The following ZCCHC7 variants were observed in gnomAD, a reference collection of about 807,000 sequenced individuals.
ZCCHC7 encodes zinc finger CCHC-type containing 7.
A neutral mutation model predicts 52.0 loss-of-function variants in ZCCHC7; 35 were observed. That is an observed-to-expected ratio of 0.67 (90% CI 0.51 to 0.89). The LOEUF (loss-of-function observed/expected upper bound fraction) is 0.89. Among genes scored for constraint, ZCCHC7 ranks in the 40% least tolerant of loss-of-function variants. ZCCHC7 has a pLI of 0.00. For synonymous variants in ZCCHC7, 217 were observed against 221.5 expected (o/e 0.98, Z 0.18); for missense variants, 574 against 649.1 (o/e 0.88, Z 1.26).
At chr9:37,222,827 T>C (rs892915740) in intron 2 of ZCCHC7, among the ~76,000 whole-genome samples, 1 of 152,034 alleles carries the variant, frequency 6.6e-6, no homozygotes, top group African/African-American at 2.4e-5. Context: ...CATAAAATAG[T>C]CTAAGAAACC....
chr9:37,179,921 CCATA>C (rs1466528841), intron 2 of ZCCHC7, among the ~76,000 whole-genome samples: 1 of 152,074 alleles, frequency 6.6e-6, no homozygotes, highest in African/African-American at 2.4e-5. Context: ...AGTTTAGAGT[CCATA>C]AGTATAAATT....
At chr9:37,146,122 T>C (rs1008835571) in intron 2 of ZCCHC7, among the ~76,000 whole-genome samples, 2 of 151,952 alleles carry the variant, frequency 1.3e-5, no homozygotes, top group African/African-American at 4.8e-5. Context: ...CTCAGAGTTT[T>C]TGGTGTACCT....
At chr9:37,259,763 A>G (rs946051327) in intron 2 of ZCCHC7, among the ~76,000 whole-genome samples, 10 of 152,150 alleles carry the variant, frequency 6.6e-5, no homozygotes, top group African/African-American at 2.4e-4. Flanking sequence ...AAGTTGTACA[A>G]CTTCCAAGAA....
At chr9:37,334,953 C>T (rs1014353536) in intron 6 of ZCCHC7, among the ~76,000 whole-genome samples, 7 of 152,066 alleles carry the variant, frequency 4.6e-5, no homozygotes, top group Middle Eastern at 3.4e-3. Flanking sequence ...AAAAGGAATG[C>T]ACATGTGTGT....
intron 2 of ZCCHC7, among the ~76,000 whole-genome samples, chr9:37,199,432 A>G (rs1207372859): frequency 7.0e-6 from 1 of 143,154 alleles, no homozygotes; most frequent in South Asian, 2.3e-4. Flanking sequence ...CCTGGGTTCA[A>G]GCGATTCTCC....
intron 2 of ZCCHC7, among the ~76,000 whole-genome samples, chr9:37,178,609 G>A (rs921823805): frequency 3.9e-5 from 6 of 152,158 alleles, no homozygotes; most frequent in East Asian, 3.8e-4. Context: ...AAGATTTAAC[G>A]CGGTGTTGGT....
At chr9:37,186,500 T>C (rs1822662574) in intron 2 of ZCCHC7, among the ~76,000 whole-genome samples, 1 of 152,196 alleles carries the variant, frequency 6.6e-6, no homozygotes, top group Admixed American at 6.5e-5. Context: ...TTGAATGTAA[T>C]TTAGAGATTA....
chr9:37,279,487 T>C (rs1458439375), intron 2 of ZCCHC7, among the ~76,000 whole-genome samples: 1 of 151,644 alleles, frequency 6.6e-6, no homozygotes, highest in African/African-American at 2.4e-5. Flanking sequence ...CTTAAAAATA[T>C]TAAATTACTC....
chr9:37,198,063 T>C (rs1260812400), intron 2 of ZCCHC7, among the ~76,000 whole-genome samples: 1 of 152,228 alleles, frequency 6.6e-6, no homozygotes, highest in African/African-American at 2.4e-5. Context: ...AGCCTAAGCC[T>C]GTCTTTCAAA....
intron 5 of ZCCHC7, among the ~76,000 whole-genome samples, chr9:37,313,103 A>G (rs1829666292): frequency 6.6e-6 from 1 of 152,228 alleles, no homozygotes; most frequent in Non-Finnish European, 1.5e-5. Context: ...CATTACACCT[A>G]CCTTTGGAAA....
chr9:37,351,128 T>C (rs1821350920), intron 7 of ZCCHC7, among the ~76,000 whole-genome samples: 1 of 152,082 alleles, frequency 6.6e-6, no homozygotes, highest in South Asian at 2.1e-4. Context: ...AAAGTTTATC[T>C]TCCATATTGG....
intron 2 of ZCCHC7, among the ~76,000 whole-genome samples, chr9:37,295,490 G>A (rs548516448): frequency 7.2e-5 from 11 of 152,308 alleles, no homozygotes; most frequent in African/African-American, 2.6e-4. Flanking sequence ...AAAGCAGTGT[G>A]TGATAATAGA....
chr9:37,152,263 A>G (rs1820573253), intron 2 of ZCCHC7, among the ~76,000 whole-genome samples: 1 of 151,960 alleles, frequency 6.6e-6, no homozygotes, highest in Non-Finnish European at 1.5e-5. Context: ...AATTTTAGAA[A>G]AATTGGTTTA....
chr9:37,268,669 G>A (rs574342078), intron 2 of ZCCHC7, among the ~76,000 whole-genome samples: 10 of 152,010 alleles, frequency 6.6e-5, no homozygotes, highest in African/African-American at 1.9e-4. Flanking sequence ...CTTGTGATCC[G>A]CCCACCTCGG....
chr9:37,196,440 G>A (rs1823289601), intron 2 of ZCCHC7, among the ~76,000 whole-genome samples: 1 of 152,068 alleles, frequency 6.6e-6, no homozygotes, highest in Non-Finnish European at 1.5e-5. Flanking sequence ...GATTTTTATG[G>A]CAGGTAAAGA....
intron 1 of ZCCHC7, among the ~76,000 whole-genome samples, chr9:37,124,707 A>G (rs992495440): frequency 6.6e-6 from 1 of 152,238 alleles, no homozygotes; most frequent in African/African-American, 2.4e-5. Flanking sequence ...ATGAAGGCTG[A>G]GGAGGATTTA....
chr9:37,290,173 G>A (rs993180478), intron 2 of ZCCHC7, among the ~76,000 whole-genome samples: 1 of 152,168 alleles, frequency 6.6e-6, no homozygotes, highest in African/African-American at 2.4e-5. Flanking sequence ...TCATTGATAT[G>A]TATATCCCAA....
chr9:37,187,363 C>T (rs1017889865), intron 2 of ZCCHC7, among the ~76,000 whole-genome samples: 1 of 152,208 alleles, frequency 6.6e-6, no homozygotes, highest in Non-Finnish European at 1.5e-5. Flanking sequence ...CTAGATCCCT[C>T]GCATGTGCAG....
intron 5 of ZCCHC7, among the ~76,000 whole-genome samples, chr9:37,321,134 G>A (rs1382237782): frequency 2.6e-5 from 4 of 151,414 alleles, no homozygotes; most frequent in East Asian, 3.9e-4. Context: ...GACTACAGGC[G>A]CGTGCCACCA....
Sources: allele counts gnomAD v4.1 joint callset (sites outside exome capture counted in the v4.1 genomes callset), GRCh38; gene constraint gnomAD v4.1.1; transcripts MANE v1.5; gene names NCBI Gene and HGNC (gene_info 2026-07-23, HGNC 2026-07-21).